SH3BGR: variants seen among roughly 807,000 people sequenced by gnomAD.
SH3BGR encodes SH3 domain binding glutamate rich protein, also known as SH3 domain-binding glutamic acid-rich protein.
SH3BGR carries 29 observed loss-of-function variants against 24.5 expected under a neutral mutation model. The observed-to-expected ratio is 1.18, with a 90% CI of 0.88 to 1.61. The LOEUF is 1.61. Among genes scored for constraint, SH3BGR ranks in the 40% most tolerant of loss-of-function variants. SH3BGR has a pLI of 0.00. For synonymous variants in SH3BGR, 55 were observed against 65.7 expected (o/e 0.84, Z 0.79); for missense variants, 162 against 205.8 (o/e 0.79, Z 1.30).
chr21:39,474,885 G>T (rs2078000842), intron 2 of SH3BGR, among the ~76,000 whole-genome samples: 1 of 39,928 alleles, frequency 2.5e-5, no homozygotes, highest in African/African-American at 9.6e-5. Flanking sequence ...CTGAGCATGG[G>T]TAGGGGTGTG....
chr21:39,508,875 T>C, intron 4 of SH3BGR, 123 bp from the exon 5 acceptor site: 1 of 629,696 alleles, frequency 1.6e-6, no homozygotes, highest in Non-Finnish European at 2.7e-6. Context: ...ATTTTATGGA[T>C]AAACTAATGT....
chr21:39,498,752 C>G (rs748166143), intron 3 of SH3BGR, among the ~76,000 whole-genome samples: 1 of 152,186 alleles, frequency 6.6e-6, no homozygotes, highest in Non-Finnish European at 1.5e-5. Flanking sequence ...GTCCTAATCT[C>G]TCTCTCTCTC....
At chr21:39,499,280 A>ATCTATC (rs2078451973) in intron 3 of SH3BGR, among the ~76,000 whole-genome samples, 1 of 145,310 alleles carries the variant, frequency 6.9e-6, no homozygotes, top group Admixed American at 6.7e-5. Flanking sequence ...CTATCTATCT[A>ATCTATC]TGTCTGTCTG....
At position 39,452,168 on chromosome 21, in the gene SH3BGR, C is replaced by G. The variant is rs181873965; in HGVS notation, c.45+27C>G. 7.5e-4 allele frequency: 1,204 copies of G among 1,613,690 alleles called. 20 individuals are homozygous for G. The Admixed American group carries it at 0.019, about 26-fold the overall frequency. On this transcript the variant is annotated intron_variant, in intron 1 of 6. Coordinates refer to ENST00000333634, the MANE Select transcript of SH3BGR (RefSeq NM_007341.3). ...TAGGTGTCTGGTGGACTCTTTCTTCCTATACTCTTTTCTGAATAACTTAGG... is the reference window on the plus strand; with the variant it reads ...TAGGTGTCTGGTGGACTCTTTCTTCGTATACTCTTTTCTGAATAACTTAGG...
upstream of SH3BGR, among the ~76,000 whole-genome samples, chr21:39,449,674 C>A (rs1327089109): frequency 1.3e-5 from 2 of 152,080 alleles, no homozygotes; most frequent in African/African-American, 2.4e-5. Flanking sequence ...AAAGGGGGCA[C>A]TAGGAATTTG....
chr21:39,473,236 TA>T (rs2077970780), intron 2 of SH3BGR, among the ~76,000 whole-genome samples: 1 of 152,220 alleles, frequency 6.6e-6, no homozygotes, highest in Admixed American at 6.5e-5. Context: ...TCAACTATAA[TA>T]AAACCTTTCT....
At chr21:39,473,480 C>T (rs2077975107) in intron 2 of SH3BGR, among the ~76,000 whole-genome samples, 2 of 152,174 alleles carry the variant, frequency 1.3e-5, no homozygotes, top group Non-Finnish European at 2.9e-5. Flanking sequence ...ATATTCCTTT[C>T]AACCAAGATT....
chr21:39,470,453 G>A lies in SH3BGR; in HGVS notation c.232-4682G>A, dbSNP rs551916435. On this transcript the variant is annotated intron_variant, in intron 2 of 6. Coordinates refer to ENST00000333634, the MANE Select transcript of SH3BGR (RefSeq NM_007341.3). The stretch of plus-strand genomic sequence containing the variant: ...TTTTTGGTATTTTTAGTAGAGATAG[G>A]GGTTCACCATGTTGGCCAGGCTGGT... Among the ~76,000 whole-genome samples, 59 of 151,848 alleles carry A rather than the reference G, an allele frequency of 3.9e-4. 1 individual carries two copies. The highest frequency in any genetic ancestry group is 1.2e-3 in the African/African-American group (48 of 41,290).
intron 3 of SH3BGR, among the ~76,000 whole-genome samples, chr21:39,494,623 C>T (rs2123477932): frequency 6.6e-6 from 1 of 151,538 alleles, no homozygotes; most frequent in African/African-American, 2.4e-5. Context: ...TCTCTGGGTG[C>T]TTTTAAGATT....
At chr21:39,475,858 G>T (rs961694676) in intron 3 of SH3BGR, among the ~76,000 whole-genome samples, 2 of 152,174 alleles carry the variant, frequency 1.3e-5, no homozygotes, top group Non-Finnish European at 2.9e-5. Flanking sequence ...TGTGGATAGG[G>T]ATGGATTCCA....
In SH3BGR at chr21:39,511,593, C is replaced by T; in HGVS notation, c.436-87C>T. 1.4e-6 allele frequency: 2 copies of T among 1,391,048 alleles called. No individual in the cohort carries two copies. Among genetic ancestry groups the T allele is most frequent in the Non-Finnish European group, 2.0e-6 (2 of 1,012,292 alleles). The allele number at this position is 1,391,048 out of a possible 1,614,324, so 86.2% of individuals were successfully genotyped here. ...GTGGTGGGGTGTGGGAGGCTTTGAC[C>T]TCTAGTCCAGCATTTTACAGTCTTT... On this transcript the variant is annotated intron_variant, in intron 5 of 6. Coordinates refer to ENST00000333634, the MANE Select transcript of SH3BGR (RefSeq NM_007341.3). The surrounding 1 kb of genome is among the most constrained non-coding windows in gnomAD (Gnocchi z 4.2).
At chr21:39,493,609 G>T (rs1382985554) in intron 3 of SH3BGR, among the ~76,000 whole-genome samples, 1 of 152,100 alleles carries the variant, frequency 6.6e-6, no homozygotes, top group African/African-American at 2.4e-5. Flanking sequence ...CTCTTTTATG[G>T]TTCCATATGA....
chr21:39,473,103 T>C (rs538647442), intron 2 of SH3BGR, among the ~76,000 whole-genome samples: 2 of 152,336 alleles, frequency 1.3e-5, no homozygotes, highest in South Asian at 4.1e-4. Flanking sequence ...ACCTGTTTTA[T>C]GTTCATTATT....
chr21:39,461,993 C>T (rs569969616), intron 1 of SH3BGR, among the ~76,000 whole-genome samples: 3 of 151,946 alleles, frequency 2.0e-5, no homozygotes, highest in Non-Finnish European at 2.9e-5. Context: ...GGATTACAGG[C>T]GTGTGCTACC....
chr21:39,459,740 A>G (rs1292281542), intron 1 of SH3BGR, among the ~76,000 whole-genome samples: 2 of 151,646 alleles, frequency 1.3e-5, no homozygotes, highest in African/African-American at 4.9e-5. Flanking sequence ...AACTTTTTGT[A>G]GAGGCCCCAT....
At chr21:39,464,435 C>T (rs2077807515) in intron 2 of SH3BGR, among the ~76,000 whole-genome samples, 1 of 152,168 alleles carries the variant, frequency 6.6e-6, no homozygotes, top group East Asian at 1.9e-4. Flanking sequence ...ATTGGCTGGG[C>T]TGGTCTCGAA....
chr21:39,511,574 G>A lies in SH3BGR; in HGVS notation c.436-106G>A, dbSNP rs2078696168. On this transcript the variant is annotated intron_variant, in intron 5 of 6. Transcript: ENST00000333634. This position sits in a 1 kb window ranked among gnomAD's most constrained non-coding sequence, Gnocchi z 4.2. ...GTGTTTGTTTGTGTGTTGTGTGGTG[G>A]GGTGTGGGAGGCTTTGACCTCTAGT... is the stretch of plus-strand genomic sequence containing the variant. 7 of 974,270 alleles carry A rather than the reference G, an allele frequency of 7.2e-6. No homozygotes were observed. Among genetic ancestry groups the A allele is most frequent in the Non-Finnish European group, 1.1e-5 (7 of 646,774 alleles). 60.4% of individuals were successfully genotyped at this position (974,270 alleles called of 1,614,324 possible). A position where few individuals can be genotyped will look rare whatever the true frequency, so the allele number is the denominator to read the frequency against.
intron 3 of SH3BGR, among the ~76,000 whole-genome samples, chr21:39,484,905 G>C (rs1008753067): frequency 6.6e-6 from 1 of 152,216 alleles, no homozygotes; most frequent in African/African-American, 2.4e-5. Flanking sequence ...TAGTAAACAA[G>C]ATTGTGGAAA....
chr21:39,503,291 G>T (rs1450446744), intron 4 of SH3BGR, among the ~76,000 whole-genome samples: 1 of 152,174 alleles, frequency 6.6e-6, no homozygotes, highest in South Asian at 2.1e-4. Context: ...TAAGAGTCTT[G>T]TGTGCCCTTC....
Sources: gnomAD v4.1 joint callset for allele counts (sites outside exome capture counted in the v4.1 genomes callset) on GRCh38, gnomAD v4.1.1 for gene constraint, Gnocchi (gnomAD v3.1) non-coding constraint, MANE v1.5 for transcripts, NCBI Gene and HGNC (gene_info 2026-07-23, HGNC 2026-07-21) for gene names.